NALF1: variants seen among roughly 807,000 people sequenced by gnomAD.
NALF1 encodes the protein NALCN channel auxiliary factor 1.
NALF1 carries 3 observed loss-of-function variants against 48.4 expected under a neutral mutation model. That is an observed-to-expected ratio of 0.06 (90% CI 0.03 to 0.16). The LOEUF (loss-of-function observed/expected upper bound fraction) is 0.16, where lower values mean the gene tolerates loss of function less well. Among genes scored for constraint, NALF1 ranks in the 10% least tolerant of loss-of-function variants. NALF1 has a pLI of 1.00. For missense variants in NALF1, 526 were observed against 571.5 expected (o/e 0.92, Z 0.81); for synonymous variants, 262 against 245.7 (o/e 1.07, Z -0.62).
intron 1 of NALF1, among the ~76,000 whole-genome samples, chr13:107,752,510 T>C (rs1876968928): frequency 6.6e-6 from 1 of 152,074 alleles, no homozygotes; most frequent in Non-Finnish European, 1.5e-5. Flanking sequence ...GTGTGTGTAA[T>C]GGAATAATGG....
At chr13:107,414,115 C>G (rs1006245636) in intron 1 of NALF1, among the ~76,000 whole-genome samples, 19 of 152,040 alleles carry the variant, frequency 1.2e-4, no homozygotes, top group African/African-American at 4.6e-4. Flanking sequence ...TTTAAAATGC[C>G]ATGTAGTCAA....
At chr13:107,464,072 A>T (rs78573263) in intron 1 of NALF1, among the ~76,000 whole-genome samples, 2,891 of 152,200 alleles carry the variant, frequency 0.019, 106 homozygotes, top group African/African-American at 0.066. Context: ...CACCTGCCTG[A>T]CCCCAAAACT....
At chr13:107,736,836 G>A (rs1876481044) in intron 1 of NALF1, among the ~76,000 whole-genome samples, 1 of 152,202 alleles carries the variant, frequency 6.6e-6, no homozygotes, top group Admixed American at 6.5e-5. Flanking sequence ...GTAGACAGCA[G>A]CAGCCTCCTT....
chr13:107,463,610 C>A (rs564424303), intron 1 of NALF1, among the ~76,000 whole-genome samples: 4 of 152,190 alleles, frequency 2.6e-5, no homozygotes, highest in African/African-American at 7.2e-5. Context: ...AACCGATGTA[C>A]AGGTATTATA....
At chr13:107,230,847 A>C (rs1359367) in intron 1 of NALF1, among the ~76,000 whole-genome samples, 128,423 of 151,750 alleles carry the variant, frequency 0.85, 54,510 homozygotes, top group Middle Eastern at 0.89. Context: ...GTCACTTGAG[A>C]CCAGGAATTC....
At chr13:107,798,184 G>T (rs944769406) in intron 1 of NALF1, among the ~76,000 whole-genome samples, 11 of 152,254 alleles carry the variant, frequency 7.2e-5, no homozygotes, top group Middle Eastern at 3.4e-3. Flanking sequence ...CAACAACAAT[G>T]AGTAGAGAAT....
chr13:107,757,161 T>C lies in NALF1; in HGVS notation c.915+108521A>G, dbSNP rs1038384183. ...GAACAAGGCAGTGATTGAGGTAGTATGTACTGATTTGCAGCAAATAAACAC... is the reference window on the plus strand; with the variant it reads ...GAACAAGGCAGTGATTGAGGTAGTACGTACTGATTTGCAGCAAATAAACAC... On this transcript the variant is annotated intron_variant, in intron 1 of 2. Transcript: ENST00000375915. 2.0e-5 allele frequency among the ~76,000 whole-genome samples: 3 copies of C among 152,324 alleles called. No individual in the cohort carries two copies. The South Asian group carries it at 6.2e-4, about 32-fold the overall frequency.
intron 1 of NALF1, among the ~76,000 whole-genome samples, chr13:107,330,154 C>T (rs922943101): frequency 6.6e-6 from 1 of 152,106 alleles, no homozygotes; most frequent in African/African-American, 2.4e-5. Context: ...AGGGCTGTAG[C>T]CTTTGTTAAA....
chr13:107,499,312 G>A (rs1205642529), intron 1 of NALF1, among the ~76,000 whole-genome samples: 1 of 151,982 alleles, frequency 6.6e-6, no homozygotes, highest in Non-Finnish European at 1.5e-5. Context: ...CTAAATCCCT[G>A]TCTTCCGTTT....
At chr13:107,566,005 T>C (rs1368388505) in intron 1 of NALF1, among the ~76,000 whole-genome samples, 1 of 152,158 alleles carries the variant, frequency 6.6e-6, no homozygotes, top group Non-Finnish European at 1.5e-5. Context: ...AGTTAAGAGA[T>C]AATTATATTT....
At chr13:107,596,060 C>T (rs1271241612) in intron 1 of NALF1, among the ~76,000 whole-genome samples, 1 of 152,058 alleles carries the variant, frequency 6.6e-6, no homozygotes, top group Non-Finnish European at 1.5e-5. Flanking sequence ...TATCAGTCTT[C>T]GAGGGCAATG....
At chr13:107,567,348 C>G (rs991763216) in intron 1 of NALF1, among the ~76,000 whole-genome samples, 2 of 152,042 alleles carry the variant, frequency 1.3e-5, no homozygotes, top group African/African-American at 2.4e-5. Context: ...TTATATTTAG[C>G]CTTTTTAAAA....
intron 1 of NALF1, among the ~76,000 whole-genome samples, chr13:107,692,426 C>G (rs1881588397): frequency 6.6e-6 from 1 of 152,010 alleles, no homozygotes; most frequent in South Asian, 2.1e-4. Flanking sequence ...ACAATGTAGC[C>G]AAACACAAAC....
At chr13:107,675,076 GC>G (rs1441693287) in intron 1 of NALF1, among the ~76,000 whole-genome samples, 1 of 152,130 alleles carries the variant, frequency 6.6e-6, no homozygotes, top group East Asian at 1.9e-4. Flanking sequence ...GCAGATAGAG[GC>G]CAAGGAATTG....
At chr13:107,347,033 G>A (rs1199048388) in intron 1 of NALF1, among the ~76,000 whole-genome samples, 4 of 151,848 alleles carry the variant, frequency 2.6e-5, no homozygotes. Context: ...TTTAAATTAG[G>A]GGTCCACTTT....
intron 1 of NALF1, among the ~76,000 whole-genome samples, chr13:107,254,520 G>A (rs1248904436): frequency 6.6e-6 from 1 of 152,182 alleles, no homozygotes; most frequent in African/African-American, 2.4e-5. Flanking sequence ...CACTCTTGGA[G>A]TGGGGAATGG....
At position 107,658,017 on chromosome 13, in the gene NALF1, A is replaced by T. The variant is rs185397348; in HGVS notation, c.915+207665T>A. Among the ~76,000 whole-genome samples, 346 of 152,196 alleles carry T rather than the reference A, an allele frequency of 2.3e-3. 8 individuals are homozygous for T. In the East Asian group the frequency reaches 0.058, roughly 26 times the overall value. On this transcript the variant is annotated intron_variant, in intron 1 of 2. Coordinates refer to ENST00000375915, the MANE Select transcript of NALF1 (RefSeq NM_001080396.3). ...GGTGTACATGTTCGAGACATTAGTTATTTTTGGAGGCACTTTGTCTCCTGG... is the reference window on the plus strand; with the variant it reads ...GGTGTACATGTTCGAGACATTAGTTTTTTTTGGAGGCACTTTGTCTCCTGG...
intron 1 of NALF1, among the ~76,000 whole-genome samples, chr13:107,414,729 T>C (rs529427039): frequency 6.6e-6 from 1 of 152,164 alleles, no homozygotes; most frequent in East Asian, 1.9e-4. Context: ...TATTTATTTT[T>C]TATCATACAG....
intron 1 of NALF1, among the ~76,000 whole-genome samples, chr13:107,420,203 C>T (rs1411670599): frequency 6.6e-6 from 1 of 151,950 alleles, no homozygotes; most frequent in African/African-American, 2.4e-5. Flanking sequence ...TTTTTATAGT[C>T]AGCAATAGCA....
Sources: gnomAD v4.1 joint callset for allele counts (sites outside exome capture counted in the v4.1 genomes callset) on GRCh38, gnomAD v4.1.1 for gene constraint, MANE v1.5 for transcripts, NCBI Gene and HGNC (gene_info 2026-07-23, HGNC 2026-07-21) for gene names.